Variants in PPP2R3A observed in about 807,000 individuals in gnomAD.
PPP2R3A encodes the protein protein phosphatase 2 regulatory subunit B''alpha.
PPP2R3A carries 80 observed loss-of-function variants against 106.9 expected under a neutral mutation model. The observed-to-expected ratio is 0.75, with a 90% CI of 0.62 to 0.90. The LOEUF (loss-of-function observed/expected upper bound fraction) is 0.90, where lower values mean the gene tolerates loss of function less well. Among genes scored for constraint, PPP2R3A ranks in the 40% least tolerant of loss-of-function variants. PPP2R3A has a pLI of 0.00. For missense variants in PPP2R3A, 1,386 were observed against 1,350.4 expected, an observed-to-expected ratio of 1.03 and a Z score of -0.41; for synonymous variants, 483 against 468.3, an observed-to-expected ratio of 1.03 and a Z score of -0.41.
At chr3:136,033,851 A>AT (rs1559880219) in intron 3 of PPP2R3A, among the ~76,000 whole-genome samples, 1 of 150,216 alleles carries the variant, frequency 6.7e-6, no homozygotes, top group African/African-American at 2.5e-5. Flanking sequence ...TGTTTCATTT[A>AT]TTTTTTGTAT....
intron 3 of PPP2R3A, among the ~76,000 whole-genome samples, chr3:136,029,327 C>T (rs1576446178): frequency 6.6e-6 from 1 of 152,316 alleles, no homozygotes; most frequent in East Asian, 1.9e-4. Context: ...AGCCCATTCT[C>T]CTGTGTCTTT....
In PPP2R3A at chr3:136,102,071, G is replaced by C. The variant is rs1039534538; in HGVS notation, c.2992G>C (p.Glu998Gln). 1 of 1,614,086 alleles carries C rather than the reference G, an allele frequency of 6.2e-7. No homozygotes were observed. ...GDGVLSMYEL[E>Q]YFYEEQCERM... ...CGGTGTACTCTCCATGTATGAGCTG[G>C]AGTACTTCTATGAGGAGCAGTGTGA... Residue 998 changes from glutamate to glutamine, a missense_variant, in exon 11 of 14, where the codon GAG becomes CAG. Transcript: ENST00000264977.
At position 136,145,441 on chromosome 3, in the gene PPP2R3A, T is replaced by TCTC. The variant is rs1939080107; in HGVS notation, c.*276_*278dup. On this transcript the variant is annotated 3_prime_UTR_variant, in exon 14 of 14. Coordinates refer to ENST00000264977, the MANE Select transcript of PPP2R3A (RefSeq NM_002718.5). ...TCTACACTCTTGAATGTACCAAGGATCTCTTGGCGACAGTACCAAGCACGG... is the reference window on the plus strand; with the variant it reads ...TCTACACTCTTGAATGTACCAAGGATCTCCTCTTGGCGACAGTACCAAGCACGG... 2 of 232,694 alleles carry TCTC rather than the reference T, an allele frequency of 8.6e-6. No homozygotes were observed. Among genetic ancestry groups the TCTC allele is most frequent in the Non-Finnish European group, 1.7e-5 (2 of 119,846 alleles). The allele number at this position is 232,694 out of a possible 1,614,324, so 14.4% of individuals were successfully genotyped here.
intron 10 of PPP2R3A, among the ~76,000 whole-genome samples, chr3:136,100,992 A>T (rs1937345683): frequency 6.6e-6 from 1 of 151,898 alleles, no homozygotes; most frequent in South Asian, 2.1e-4. Flanking sequence ...CTACTAGAGA[A>T]TGCGCAGAGT....
At chr3:135,987,865 TTCA>T (rs1249093834) in intron 1 of PPP2R3A, among the ~76,000 whole-genome samples, 1 of 152,206 alleles carries the variant, frequency 6.6e-6, no homozygotes, top group Non-Finnish European at 1.5e-5. Context: ...ATAAAAATAT[TTCA>T]TCATCACAGA....
intron 1 of PPP2R3A, among the ~76,000 whole-genome samples, chr3:135,973,322 A>C (rs1937297650): frequency 6.6e-6 from 1 of 152,216 alleles, no homozygotes; most frequent in Non-Finnish European, 1.5e-5. Context: ...ATATCATTAA[A>C]CAAATACTCA....
At chr3:135,994,334 G>A (rs1380274993) in intron 1 of PPP2R3A, among the ~76,000 whole-genome samples, 1 of 152,126 alleles carries the variant, frequency 6.6e-6, no homozygotes, top group Non-Finnish European at 1.5e-5. Flanking sequence ...TGCCCCTGAT[G>A]TTGGTGCTTT....
chr3:136,014,294 A>G (rs1293625760), intron 2 of PPP2R3A, among the ~76,000 whole-genome samples: 2 of 152,082 alleles, frequency 1.3e-5, no homozygotes, highest in Non-Finnish European at 2.9e-5. Flanking sequence ...TGCTTTGGCT[A>G]TGTGGGCTCT....
intron 2 of PPP2R3A, among the ~76,000 whole-genome samples, chr3:136,021,583 G>A (rs936096452): frequency 2.0e-5 from 3 of 152,044 alleles, no homozygotes; most frequent in Admixed American, 6.5e-5. Flanking sequence ...TTAGACAAAG[G>A]TTCAGTAAAA....
chr3:136,140,442 T>TA (rs199699500), intron 13 of PPP2R3A, among the ~76,000 whole-genome samples: 3,718 of 87,114 alleles, frequency 0.043, 62 homozygotes, highest in South Asian at 0.077. Context: ...TGAGACTCTT[T>TA]AAAAAAAAAA....
chr3:136,074,493 G>A (rs942599611), intron 6 of PPP2R3A, among the ~76,000 whole-genome samples: 2 of 152,260 alleles, frequency 1.3e-5, no homozygotes, highest in African/African-American at 4.8e-5. Flanking sequence ...TAGCCGTTGA[G>A]TGCAGTTTTG....
At position 136,003,399 on chromosome 3, in the gene PPP2R3A, A is replaced by G. The variant is rs141525835; in HGVS notation, c.1901A>G (p.Gln634Arg). The G allele has an allele frequency of 1.1e-5, 18 of 1,613,890 alleles. No individual in the cohort carries two copies. The highest frequency in any genetic ancestry group is 1.5e-5 in the Non-Finnish European group (18 of 1,179,910). ...CAGGAAACCTTGACAACTTCCTCCC[A>G]GGCCAATTTATCAGTCTGTAGAAGT... ...ILQETLTTSS[Q>R]ANLSVCRSPV... Residue 634 changes from glutamine to arginine, a missense_variant, in exon 2 of 14, where the codon CAG becomes CGG. Coordinates refer to ENST00000264977, the MANE Select transcript of PPP2R3A (RefSeq NM_002718.5).
At chr3:136,135,805 C>A (rs1363561341) in intron 13 of PPP2R3A, among the ~76,000 whole-genome samples, 1 of 151,994 alleles carries the variant, frequency 6.6e-6, no homozygotes, top group African/African-American at 2.4e-5. Context: ...AATCTCAACA[C>A]TTTGGGAGGC....
At chr3:136,037,010 G>T (rs1576452480) in intron 3 of PPP2R3A, among the ~76,000 whole-genome samples, 1 of 152,228 alleles carries the variant, frequency 6.6e-6, no homozygotes, top group African/African-American at 2.4e-5. Flanking sequence ...AAGAGGAGAA[G>T]AGAGGCAACC....
intron 13 of PPP2R3A, among the ~76,000 whole-genome samples, chr3:136,119,385 T>G (rs2107997623): frequency 6.6e-6 from 1 of 152,258 alleles, no homozygotes; most frequent in African/African-American, 2.4e-5. Flanking sequence ...CTAATTAAAC[T>G]AAAGAGTTTC....
intron 2 of PPP2R3A, among the ~76,000 whole-genome samples, chr3:136,010,891 A>T (rs1934046717): frequency 6.6e-6 from 1 of 152,054 alleles, no homozygotes; most frequent in Admixed American, 6.5e-5. Flanking sequence ...ACATGCTACA[A>T]TTCTCCCAGC....
intron 10 of PPP2R3A, among the ~76,000 whole-genome samples, chr3:136,091,163 C>T (rs1937085663): frequency 6.6e-6 from 1 of 152,078 alleles, no homozygotes; most frequent in South Asian, 2.1e-4. Context: ...CTTGTTTAGG[C>T]AAAAAATCTA....
chr3:136,043,947 A>G (rs1269576155), intron 4 of PPP2R3A, among the ~76,000 whole-genome samples: 3 of 152,282 alleles, frequency 2.0e-5, no homozygotes, highest in East Asian at 3.9e-4. Context: ...TTTTCTTTCT[A>G]TTTCACAGCA....
At chr3:135,987,901 T>G (rs115685614) in intron 1 of PPP2R3A, among the ~76,000 whole-genome samples, 1,866 of 152,310 alleles carry the variant, frequency 0.012, 40 homozygotes, top group African/African-American at 0.043. Flanking sequence ...ACAGTGCCAC[T>G]CTGCATGTTT....
Sources: allele counts gnomAD v4.1 joint callset (sites outside exome capture counted in the v4.1 genomes callset), GRCh38; gene constraint gnomAD v4.1.1; transcripts MANE v1.5; gene names NCBI Gene and HGNC (gene_info 2026-07-23, HGNC 2026-07-21).